The following MAP3K14 variants were observed in gnomAD, a reference collection of about 807,000 sequenced individuals.
MAP3K14 encodes the protein NF-kappa-beta-inducing kinase.
A neutral mutation model predicts 99.2 loss-of-function variants in MAP3K14; 16 were observed. The ratio of observed to expected loss-of-function variants is 0.16; its 90% CI spans 0.11 to 0.24. The LOEUF (loss-of-function observed/expected upper bound fraction) is 0.24, where lower values mean the gene tolerates loss of function less well. Among genes scored for constraint, MAP3K14 ranks in the 10% least tolerant of loss-of-function variants. MAP3K14 has a pLI of 1.00. For missense variants in MAP3K14, 784 were observed against 1,208.7 expected (o/e 0.65, Z 5.21); for synonymous variants, 462 against 492.4 (o/e 0.94, Z 0.82).
intron 3 of MAP3K14, 62 bp downstream of exon 3, chr17:45,289,173 CT>C: frequency 6.7e-7 from 1 of 1,487,002 alleles, no homozygotes; most frequent in Non-Finnish European, 9.3e-7. Flanking sequence ...CAGGCAAGTG[CT>C]GGGGACGAGG....
Position 45,286,271 on chromosome 17 carries a change from G to A in MAP3K14, c.1152+160C>T, listed in dbSNP as rs913136850. Among the ~76,000 whole-genome samples, 1 of 152,202 alleles carries A rather than the reference G, an allele frequency of 6.6e-6. No individual in the cohort carries two copies. The highest frequency in any genetic ancestry group is 2.4e-5 in the African/African-American group (1 of 41,452). The stretch of plus-strand genomic sequence containing the variant: ...GAAGACGCTAAAAAGGCTGTGAGAA[G>A]TGAGATTGGCGGAATAAGAGATGAT... On this transcript the variant is annotated intron_variant, in intron 5 of 15. Coordinates refer to ENST00000344686, the MANE Select transcript of MAP3K14 (RefSeq NM_003954.5). The surrounding 1 kb of genome is among the most constrained non-coding windows in gnomAD (Gnocchi z 4.1).
rs2044095217 is a variant in MAP3K14, at chr17:45,267,237, A to C, written c.2327-39T>G. 2 of 1,472,244 alleles carry C rather than the reference A, an allele frequency of 1.4e-6. No homozygotes were observed. Among genetic ancestry groups the C allele is most frequent in the Non-Finnish European group, 1.9e-6 (2 of 1,072,412 alleles). The allele number at this position is 1,472,244 out of a possible 1,614,324, so 91.2% of individuals were successfully genotyped here. A position where few individuals can be genotyped will look rare whatever the true frequency, so the allele number is the denominator to read the frequency against. On this transcript the variant is annotated intron_variant, in intron 12 of 15. Coordinates refer to ENST00000344686, the MANE Select transcript of MAP3K14 (RefSeq NM_003954.5). The surrounding 1 kb of genome is among the most constrained non-coding windows in gnomAD (Gnocchi z 5.1). ...TGGAAGATGGCTGTGAAAGACTGGG[A>C]GGAGGCTGGCTGTGTTTTCAGGGGT...
In MAP3K14 at chr17:45,267,334, G is replaced by A; in HGVS notation, c.2326+72C>T. ...GAAGAAAGCCCACACCGCAGGTAAA[G>A]AGAAACACCGGCCTCCGCGGGTGGC... On this transcript the variant is annotated intron_variant, in intron 12 of 15. Coordinates refer to ENST00000344686, the MANE Select transcript of MAP3K14 (RefSeq NM_003954.5). The surrounding 1 kb of genome is among the most constrained non-coding windows in gnomAD (Gnocchi z 5.1). 6.7e-7 allele frequency: 1 copy of A among 1,489,472 alleles called. No individual in the cohort carries two copies. Among genetic ancestry groups the A allele is most frequent in the Non-Finnish European group, 9.1e-7 (1 of 1,095,300 alleles). The allele number at this position is 1,489,472 out of a possible 1,614,324, so 92.3% of individuals were successfully genotyped here. A position where few individuals can be genotyped will look rare whatever the true frequency, so the allele number is the denominator to read the frequency against.
intron 1 of MAP3K14, among the ~76,000 whole-genome samples, chr17:45,295,109 A>C (rs1353913380): frequency 6.6e-6 from 1 of 152,256 alleles, no homozygotes; most frequent in Non-Finnish European, 1.5e-5. Context: ...TAATCTTCAC[A>C]GATGATAACC....
chr17:45,299,447 C>T (rs2044370196), intron 1 of MAP3K14, among the ~76,000 whole-genome samples: 1 of 152,186 alleles, frequency 6.6e-6, no homozygotes, highest in African/African-American at 2.4e-5. Flanking sequence ...AGAACCCCCA[C>T]CCTGGCCTGG....
intron 1 of MAP3K14, among the ~76,000 whole-genome samples, chr17:45,315,792 C>T (rs985171718): frequency 1.3e-5 from 2 of 152,112 alleles, no homozygotes; most frequent in Admixed American, 1.3e-4. Context: ...TCAGGTGCCT[C>T]GCCCATAAAA....
At chr17:45,313,533 T>C (rs2044501744) in intron 1 of MAP3K14, among the ~76,000 whole-genome samples, 1 of 152,212 alleles carries the variant, frequency 6.6e-6, no homozygotes, top group South Asian at 2.1e-4. Context: ...GACCTCGACC[T>C]GACCCAGGTC....
At chr17:45,287,601 G>A (rs1363732583) in intron 3 of MAP3K14, among the ~76,000 whole-genome samples, 2 of 152,216 alleles carry the variant, frequency 1.3e-5, no homozygotes, top group African/African-American at 2.4e-5. Context: ...CAATAATTTA[G>A]TTCATTTAAA....
chr17:45,272,778 A>G lies in MAP3K14; in HGVS notation c.1657+725T>C, dbSNP rs907541674. 1.3e-5 allele frequency among the ~76,000 whole-genome samples: 2 copies of G among 152,160 alleles called. No individual in the cohort carries two copies. Among genetic ancestry groups the G allele is most frequent in the Non-Finnish European group, 2.9e-5 (2 of 68,032 alleles). ...AATATGGCAAAACCCCGTCCCTACTAAAAATACAAAAATTAGCTGGGCATG... is the reference window on the plus strand; with the variant it reads ...AATATGGCAAAACCCCGTCCCTACTGAAAATACAAAAATTAGCTGGGCATG... On this transcript the variant is annotated intron_variant, in intron 9 of 15. Transcript: ENST00000344686. This position sits in a 1 kb window ranked among gnomAD's most constrained non-coding sequence, Gnocchi z 4.1.
In MAP3K14 at chr17:45,286,930, C is replaced by G. The variant is rs199558586; in HGVS notation, c.653G>C (p.Arg218Pro). 6.2e-7 allele frequency: 1 copy of G among 1,613,926 alleles called. No individual in the cohort carries two copies. The highest frequency in any genetic ancestry group is 2.2e-5 in the East Asian group (1 of 44,896). The change falls in exon 5 of 16, where the codon CGG becomes CCG. Residue 218 changes from arginine to proline, a missense_variant. Arg to Pro is a moderately radical substitution (Grantham distance 103, BLOSUM62 -2). Coordinates refer to ENST00000344686, the MANE Select transcript of MAP3K14 (RefSeq NM_003954.5). This position sits in a 1 kb window ranked among gnomAD's most constrained non-coding sequence, Gnocchi z 4.1. ...LCFKQLGEGL[R>P]PALPRSELHK... ...GAGTTCTGATCGAGGCAGAGCCGGC[C>G]GTAGGCCCTCGCCAAGCTGCTTAAA...
intron 1 of MAP3K14, among the ~76,000 whole-genome samples, chr17:45,304,911 T>G (rs2044419349): frequency 6.6e-6 from 1 of 152,026 alleles, no homozygotes; most frequent in Non-Finnish European, 1.5e-5. Context: ...CAAACCTACA[T>G]GATAGAATTT....
chr17:45,270,662 G>A lies in MAP3K14; in HGVS notation c.1822-99C>T, dbSNP rs764056419. 849 of 1,401,900 alleles carry A rather than the reference G, an allele frequency of 6.1e-4. 1 individual carries two copies. Among genetic ancestry groups the A allele is most frequent in the Non-Finnish European group, 7.5e-4 (800 of 1,067,870 alleles). 86.8% of individuals were successfully genotyped at this position (1,401,900 alleles called of 1,614,324 possible). A position where few individuals can be genotyped will look rare whatever the true frequency, so the allele number is the denominator to read the frequency against. ...GCAACTCCCGCCGGCCCCTGTTCCC[G>A]CTGTGCTGGGGTCTACCACAAGGAA... On this transcript the variant is annotated intron_variant, in intron 10 of 15. Transcript: ENST00000344686.
At chr17:45,301,050 T>C (rs2143852322) in intron 1 of MAP3K14, among the ~76,000 whole-genome samples, 1 of 151,778 alleles carries the variant, frequency 6.6e-6, no homozygotes, top group South Asian at 2.1e-4. Context: ...TGTCTGTAGT[T>C]CTAGCTACTC....
Position 45,265,278 on chromosome 17 carries a change from A to G in MAP3K14, c.2579-15T>C. ...GACTTTCACACCTAGAAGGCGGACA[A>G]GGTGATAGTCAGGAGAGCGGCTGCT... On this transcript the variant is annotated splice_polypyrimidine_tract_variant and intron_variant, in intron 14 of 15. Coordinates refer to ENST00000344686, the MANE Select transcript of MAP3K14 (RefSeq NM_003954.5). 3 of 1,571,256 alleles carry G rather than the reference A, an allele frequency of 1.9e-6. No homozygotes were observed. The highest frequency in any genetic ancestry group is 2.6e-6 in the Non-Finnish European group (3 of 1,141,024).
intron 1 of MAP3K14, among the ~76,000 whole-genome samples, chr17:45,312,359 A>T (rs1350902368): frequency 1.3e-5 from 2 of 152,184 alleles, no homozygotes; most frequent in Non-Finnish European, 2.9e-5. Context: ...CGAGCTCCAC[A>T]TGAGGCTTGA....
chr17:45,282,295 G>T (rs2044229363), intron 6 of MAP3K14: 1 of 152,152 alleles, frequency 6.6e-6, no homozygotes, highest in Admixed American at 6.5e-5. Flanking sequence ...TGGGATCCTG[G>T]TGGGGCACAG....
intron 1 of MAP3K14, among the ~76,000 whole-genome samples, chr17:45,309,107 G>A (rs550356312): frequency 6.6e-6 from 1 of 152,200 alleles, no homozygotes; most frequent in Non-Finnish European, 1.5e-5. Flanking sequence ...ATGAGCCACT[G>A]TGCCCAAGCA....
In MAP3K14 at chr17:45,264,618, C is replaced by T. The variant is rs535679090; in HGVS notation, c.*18G>A. The T allele has an allele frequency of 1.1e-5, 17 of 1,556,400 alleles. No homozygotes were observed. The highest frequency in any genetic ancestry group is 8.2e-5 in the African/African-American group (6 of 73,612). ...AAGGCTGCTTCCGGCAGTGTGGAGC[C>T]GGCGGTGGAGGGCAGGGTTAGGGCC... is the stretch of plus-strand genomic sequence containing the variant. On this transcript the variant is annotated 3_prime_UTR_variant, in exon 16 of 16. Coordinates refer to ENST00000344686, the MANE Select transcript of MAP3K14 (RefSeq NM_003954.5).
intron 1 of MAP3K14, among the ~76,000 whole-genome samples, chr17:45,309,756 C>T (rs895630754): frequency 6.6e-6 from 1 of 152,176 alleles, no homozygotes; most frequent in Non-Finnish European, 1.5e-5. Context: ...CATCCCCTTT[C>T]CTAAATGCTG....
Sources: gnomAD v4.1 joint callset for allele counts (sites outside exome capture counted in the v4.1 genomes callset) on GRCh38, gnomAD v4.1.1 for gene constraint, Gnocchi (gnomAD v3.1) non-coding constraint, MANE v1.5 for transcripts, NCBI Gene and HGNC (gene_info 2026-07-23, HGNC 2026-07-21) for gene names.